GXYLT2: variants seen among roughly 807,000 people sequenced by gnomAD.
The protein encoded by GXYLT2 is glucoside xylosyltransferase 2.
Under a neutral mutation model 45.8 loss-of-function variants are expected in GXYLT2, and 53 were observed. The observed-to-expected ratio is 1.16, with a 90% CI of 0.93 to 1.46. The LOEUF is 1.46. GXYLT2 is among the 40% of genes most tolerant of loss of function. The pLI, the probability that GXYLT2 is intolerant of heterozygous loss-of-function variation, is 0.00. For synonymous variants in GXYLT2, 219 were observed against 214.2 expected, an observed-to-expected ratio of 1.02 and a Z score of -0.19; for missense variants, 551 against 544.4, an observed-to-expected ratio of 1.01 and a Z score of -0.12.
chr3:72,890,332 C>T (rs1709159252), intron 1 of GXYLT2, among the ~76,000 whole-genome samples: 1 of 152,250 alleles, frequency 6.6e-6, no homozygotes, highest in African/African-American at 2.4e-5. Context: ...CCTACAGAAT[C>T]AGAAGCTTTG....
At chr3:72,890,122 A>G (rs894843414) in intron 1 of GXYLT2, among the ~76,000 whole-genome samples, 4 of 152,068 alleles carry the variant, frequency 2.6e-5, no homozygotes, top group Non-Finnish European at 4.4e-5. Context: ...GGGTTTCACC[A>G]TATTGGCCAG....
intron 3 of GXYLT2, among the ~76,000 whole-genome samples, chr3:72,924,450 C>A (rs952389730): frequency 2.0e-5 from 3 of 152,128 alleles, no homozygotes; most frequent in Non-Finnish European, 4.4e-5. Flanking sequence ...GCGGTCCTCC[C>A]ACCTTGACCT....
intron 5 of GXYLT2, among the ~76,000 whole-genome samples, chr3:72,963,955 G>T (rs938065682): frequency 6.6e-6 from 1 of 151,688 alleles, no homozygotes; most frequent in Non-Finnish European, 1.5e-5. Flanking sequence ...GATTACAGGC[G>T]TGAGCCACCA....
intron 6 of GXYLT2, among the ~76,000 whole-genome samples, chr3:72,972,386 C>CTGTAA (rs59923560): frequency 0.86 from 130,012 of 151,582 alleles, 56,272 homozygotes; most frequent in East Asian, 1. Context: ...TGGGTCACAC[C>CTGTAA]TCCCAGCACT....
intron 3 of GXYLT2, among the ~76,000 whole-genome samples, chr3:72,930,905 A>G (rs1175641497): frequency 6.6e-6 from 1 of 152,040 alleles, no homozygotes; most frequent in Non-Finnish European, 1.5e-5. Flanking sequence ...CCTTACTTTC[A>G]ATAATGGATT....
intron 3 of GXYLT2, among the ~76,000 whole-genome samples, chr3:72,928,568 G>A (rs1709961547): frequency 6.6e-6 from 1 of 152,206 alleles, no homozygotes; most frequent in Non-Finnish European, 1.5e-5. Flanking sequence ...AAGCCAGGGT[G>A]TTTCTTAATT....
intron 5 of GXYLT2, among the ~76,000 whole-genome samples, chr3:72,963,695 A>G (rs1450402695): frequency 2.2e-5 from 3 of 139,326 alleles, no homozygotes; most frequent in Non-Finnish European, 4.7e-5. Context: ...TTTTGAGACA[A>G]GAGTTTCACT....
chr3:72,972,498 G>C (rs1044770766), intron 6 of GXYLT2, among the ~76,000 whole-genome samples: 1 of 151,726 alleles, frequency 6.6e-6, no homozygotes, highest in Non-Finnish European at 1.5e-5. Flanking sequence ...GAAATCAGCC[G>C]GGCGTGGTGG....
chr3:72,955,348 A>C lies in GXYLT2; in HGVS notation c.851A>C (p.Lys284Thr). The change falls in exon 4 of 7, where the codon AAG (lysine) becomes ACG (threonine). Residue 284 changes from lysine (K) to threonine (T), a missense_variant and splice_region_variant. By Grantham distance (78) the Lys-to-Thr change is moderately conservative. Coordinates refer to ENST00000389617, the MANE Select transcript of GXYLT2 (RefSeq NM_001080393.2). ...ACTCGGATAAGAAGTACCCAGTTCA[A>C]GGTAAACGAGTGCTTTAAAATTCCT... is the stretch of plus-strand genomic sequence containing the variant. ...NLTRIRSTQFKNSMIPTGLAW... is the reference protein window; with the variant it reads ...NLTRIRSTQFTNSMIPTGLAW... 3 of 1,612,248 alleles carry C rather than the reference A, an allele frequency of 1.9e-6. No individual in the cohort carries two copies. The highest frequency in any genetic ancestry group is 2.5e-6 in the Non-Finnish European group (3 of 1,178,468).
At chr3:72,907,034 G>T (rs965536412) in intron 1 of GXYLT2, among the ~76,000 whole-genome samples, 20 of 152,168 alleles carry the variant, frequency 1.3e-4, no homozygotes, top group Non-Finnish European at 2.6e-4. Context: ...TTGGAGACAG[G>T]TGGACCACCC....
intron 2 of GXYLT2, among the ~76,000 whole-genome samples, chr3:72,912,252 T>G (rs1663790794): frequency 6.6e-6 from 1 of 152,026 alleles, no homozygotes; most frequent in African/African-American, 2.4e-5. Flanking sequence ...TCAAGTAATC[T>G]ACCTGCCTCA....
intron 2 of GXYLT2, among the ~76,000 whole-genome samples, chr3:72,911,945 T>G (rs1001473288): frequency 3.4e-5 from 5 of 147,100 alleles, no homozygotes; most frequent in African/African-American, 1.3e-4. Flanking sequence ...ATGTATATAA[T>G]ATATAAGTTG....
intron 1 of GXYLT2, among the ~76,000 whole-genome samples, chr3:72,895,314 C>T (rs901534724): frequency 2.0e-5 from 3 of 152,110 alleles, no homozygotes; most frequent in Non-Finnish European, 2.9e-5. Flanking sequence ...CAGCTTCTTG[C>T]CTTTCACTGG....
chr3:72,965,268 G>A (rs990914486), intron 5 of GXYLT2, among the ~76,000 whole-genome samples: 1 of 152,240 alleles, frequency 6.6e-6, no homozygotes, highest in Admixed American at 6.5e-5. Flanking sequence ...CAGCCTGCCA[G>A]ATGGGATGGG....
At chr3:72,911,639 C>T (rs1181173690) in intron 2 of GXYLT2, among the ~76,000 whole-genome samples, 1 of 152,128 alleles carries the variant, frequency 6.6e-6, no homozygotes, top group Non-Finnish European at 1.5e-5. Flanking sequence ...GATGGAAGAT[C>T]CTCCAACCCC....
chr3:72,966,330 T>C (rs1443143284), intron 5 of GXYLT2, among the ~76,000 whole-genome samples: 1 of 151,352 alleles, frequency 6.6e-6, no homozygotes, highest in Non-Finnish European at 1.5e-5. Flanking sequence ...TTTTGTTTGT[T>C]CTTAATCTGA....
At chr3:72,960,217 G>A (rs1274997902) in intron 5 of GXYLT2, among the ~76,000 whole-genome samples, 4 of 152,096 alleles carry the variant, frequency 2.6e-5, no homozygotes, top group East Asian at 1.9e-4. Flanking sequence ...CACCACACCC[G>A]GCCCTTTTCT....
At chr3:72,973,360 G>A (rs1281236167) in intron 6 of GXYLT2, among the ~76,000 whole-genome samples, 2 of 152,144 alleles carry the variant, frequency 1.3e-5, no homozygotes, top group African/African-American at 2.4e-5. Flanking sequence ...TGGAAAGACA[G>A]GAATGGCCAG....
At chr3:72,962,512 AG>A (rs1422209554) in intron 5 of GXYLT2, among the ~76,000 whole-genome samples, 1 of 152,240 alleles carries the variant, frequency 6.6e-6, no homozygotes, top group African/African-American at 2.4e-5. Flanking sequence ...AGAGAAGTTC[AG>A]GAGAGAAAGG....
Sources: allele counts gnomAD v4.1 joint callset (sites outside exome capture counted in the v4.1 genomes callset), GRCh38; gene constraint gnomAD v4.1.1; transcripts MANE v1.5; gene names NCBI Gene and HGNC (gene_info 2026-07-23, HGNC 2026-07-21).